The following DOCK8 variants were observed in gnomAD, a reference collection of about 807,000 sequenced individuals.
The protein encoded by DOCK8 is dedicator of cytokinesis 8.
In DOCK8, 141 loss-of-function variants were observed where a neutral mutation model predicts 245.6. That is an observed-to-expected ratio of 0.57 (90% CI 0.50 to 0.66). DOCK8 has a LOEUF of 0.66. DOCK8 is among the 30% of genes least tolerant of loss of function. The probability of loss-of-function intolerance (pLI) is 0.00; values close to 1 mark genes in which losing one functional copy is unlikely to be tolerated. For synonymous variants in DOCK8, 1,168 were observed against 970.2 expected, an observed-to-expected ratio of 1.20 and a Z score of -3.79; for missense variants, 2,965 against 2,603.4, an observed-to-expected ratio of 1.14 and a Z score of -3.02.
At chr9:253,922 A>G (rs2047709316) in intron 1 of DOCK8, among the ~76,000 whole-genome samples, 2 of 152,218 alleles carry the variant, frequency 1.3e-5, no homozygotes, top group African/African-American at 4.8e-5. Flanking sequence ...GAGTGAGGCC[A>G]AGATTTTGAG....
chr9:420,756 A>G (rs1001532374), intron 31 of DOCK8, among the ~76,000 whole-genome samples, 173 bp downstream of exon 31: 2 of 152,182 alleles, frequency 1.3e-5, no homozygotes, highest in East Asian at 1.9e-4. Flanking sequence ...CAGGGAAAGG[A>G]TCTCTGCCTT....
upstream of DOCK8, chr9:214,687 C>T (rs529474381): frequency 1.3e-6 from 2 of 1,576,802 alleles, no homozygotes; most frequent in African/African-American, 2.7e-5. Context: ...GGGCAGAGCG[C>T]GCCGTCTGCC....
In DOCK8 at chr9:372,436, CTG is replaced by C. The variant is rs1435735739; in HGVS notation, c.2109+153_2109+154del. On this transcript the variant is annotated intron_variant, in intron 18 of 47. Coordinates refer to ENST00000432829, the MANE Select transcript of DOCK8 (RefSeq NM_203447.4). ...CTGATAGGATGGGAGGAATAACTGACTGTGAAACCTCATTCTTTTAAATGCCA... is the reference window on the plus strand; with the variant it reads ...CTGATAGGATGGGAGGAATAACTGACTGAAACCTCATTCTTTTAAATGCCA... The C allele has an allele frequency of 9.4e-5, 68 of 725,874 alleles. No individual in the cohort carries two copies. The East Asian group carries it at 1.8e-3, about 19-fold the overall frequency. 45.0% of individuals were successfully genotyped at this position (725,874 alleles called of 1,614,324 possible). A position where few individuals can be genotyped will look rare whatever the true frequency, so the allele number is the denominator to read the frequency against.
upstream of DOCK8, among the ~76,000 whole-genome samples, chr9:212,378 A>G (rs1177851069): frequency 2.0e-5 from 3 of 152,198 alleles, no homozygotes; most frequent in East Asian, 1.9e-4. Flanking sequence ...ACAAAATTGA[A>G]TGACACAAAG....
chr9:212,486 G>A (rs118002206), upstream of DOCK8, among the ~76,000 whole-genome samples: 2,616 of 152,328 alleles, frequency 0.017, 47 homozygotes, highest in South Asian at 0.043. Context: ...GAAAACGAAA[G>A]AGGCAGTGAG....
chr9:451,400 A>T (rs1204880946), intron 45 of DOCK8, among the ~76,000 whole-genome samples: 5 of 152,134 alleles, frequency 3.3e-5, no homozygotes, highest in African/African-American at 9.7e-5. Context: ...AGGTGGGTGG[A>T]TCCCTTGAGG....
chr9:439,336 C>T lies in DOCK8; in HGVS notation c.5171C>T (p.Thr1724Ile), dbSNP rs1428010684. 6.2e-7 allele frequency: 1 copy of T among 1,614,162 alleles called. No individual in the cohort carries two copies. The highest frequency in any genetic ancestry group is 8.5e-7 in the Non-Finnish European group (1 of 1,180,032). ...EDGVCAGQYFTESGLVGLLEQ... is the reference protein window; with the variant it reads ...EDGVCAGQYFIESGLVGLLEQ... Reference sequence around the variant, plus strand: ...GGGGTGTGCGCAGGCCAGTACTTCACCGAGAGTGGCCTGGTAGGCCTCCTG... The same window carrying T: ...GGGGTGTGCGCAGGCCAGTACTTCATCGAGAGTGGCCTGGTAGGCCTCCTG... Residue 1724 changes from threonine to isoleucine, a missense_variant, in exon 40 of 48, where the codon ACC becomes ATC. This residue lies in a region of DOCK8 where 2,825 missense variants were observed against 2,453.5 expected (regional missense o/e 1.15). Transcript: ENST00000432829.
At chr9:270,865 A>G (rs1193516256) in intron 1 of DOCK8, among the ~76,000 whole-genome samples, 1 of 152,202 alleles carries the variant, frequency 6.6e-6, no homozygotes, top group Non-Finnish European at 1.5e-5. Flanking sequence ...CACCAACACA[A>G]TGATGTAATG....
intron 1 of DOCK8, among the ~76,000 whole-genome samples, chr9:266,364 G>GGAATGAATGAATGAAT (rs3046373): frequency 1.7e-4 from 25 of 151,262 alleles, no homozygotes; most frequent in Admixed American, 1.1e-3. Context: ...TTCTCAGTGT[G>GGAATGAATGAATGAAT]GAATGAATGA....
intron 1 of DOCK8, chr9:215,348 G>GTGATA (rs1368420145): frequency 5.6e-6 from 9 of 1,602,136 alleles, no homozygotes; most frequent in Non-Finnish European, 6.8e-6. Context: ...TCCCAGAAGG[G>GTGATA]TGATAGGCGC....
intron 2 of DOCK8, among the ~76,000 whole-genome samples, chr9:276,042 C>A (rs190543285): frequency 6.6e-6 from 1 of 151,912 alleles, no homozygotes; most frequent in South Asian, 2.1e-4. Context: ...AGGCAGCTGC[C>A]GCCATGTCTG....
chr9:361,870 T>C (rs1318111279), intron 14 of DOCK8, among the ~76,000 whole-genome samples: 2 of 152,216 alleles, frequency 1.3e-5, no homozygotes, highest in Non-Finnish European at 2.9e-5. Flanking sequence ...TTCATGCATA[T>C]TCAATTTTTG....
At chr9:263,396 A>G (rs913744374) in intron 1 of DOCK8, among the ~76,000 whole-genome samples, 1 of 152,146 alleles carries the variant, frequency 6.6e-6, no homozygotes, top group African/African-American at 2.4e-5. Context: ...GGGCTTTAAA[A>G]CACATGAAAT....
chr9:451,140 C>G (rs2057418820), intron 45 of DOCK8, among the ~76,000 whole-genome samples: 1 of 151,710 alleles, frequency 6.6e-6, no homozygotes. Context: ...TGGTGAAACC[C>G]CATCTCTGCT....
At chr9:217,865 A>G (rs1011562044) in intron 1 of DOCK8, among the ~76,000 whole-genome samples, 5 of 152,194 alleles carry the variant, frequency 3.3e-5, no homozygotes, top group Non-Finnish European at 4.4e-5. Context: ...TCAAGACCAT[A>G]CAACCAGCAA....
chr9:455,615 T>C (rs2057612227), intron 46 of DOCK8, among the ~76,000 whole-genome samples: 1 of 152,180 alleles, frequency 6.6e-6, no homozygotes, highest in Non-Finnish European at 1.5e-5. Context: ...GCTGCTACAC[T>C]GGACCAAACT....
chr9:316,929 C>T lies in DOCK8; in HGVS notation c.742-114C>T, dbSNP rs1401095867. The T allele has an allele frequency of 5.9e-6, 5 of 842,798 alleles. No homozygotes were observed. In the African/African-American group the frequency reaches 6.7e-5, roughly 11 times the overall value. 52.2% of individuals were successfully genotyped at this position (842,798 alleles called of 1,614,324 possible). A position where few individuals can be genotyped will look rare whatever the true frequency, so the allele number is the denominator to read the frequency against. On this transcript the variant is annotated intron_variant, in intron 6 of 47. Coordinates refer to ENST00000432829, the MANE Select transcript of DOCK8 (RefSeq NM_203447.4). Reference sequence around the variant, plus strand: ...AAAAGGCAGAGTGTTAGAAAAAAAGCAAATCTAAGTTAACTTGAGCCGTGG... The same window carrying T: ...AAAAGGCAGAGTGTTAGAAAAAAAGTAAATCTAAGTTAACTTGAGCCGTGG...
At chr9:292,235 T>C (rs1563884125) in intron 4 of DOCK8, among the ~76,000 whole-genome samples, 1 of 150,768 alleles carries the variant, frequency 6.6e-6, no homozygotes, top group Non-Finnish European at 1.5e-5. Context: ...CCGGGCATGG[T>C]GGTGCATGTC....
chr9:384,691 C>T (rs1465975260), intron 22 of DOCK8, among the ~76,000 whole-genome samples: 7 of 152,120 alleles, frequency 4.6e-5, no homozygotes, highest in Admixed American at 6.5e-5. Context: ...CTGAGGCGGG[C>T]AGATCACGAG....
Sources: gnomAD v4.1 joint callset for allele counts (sites outside exome capture counted in the v4.1 genomes callset) on GRCh38, gnomAD v4.1.1 for gene constraint, gnomAD v4.1.1 regional missense constraint, MANE v1.5 for transcripts, NCBI Gene and HGNC (gene_info 2026-07-23, HGNC 2026-07-21) for gene names.